The following DHX32 variants were observed in gnomAD, a reference collection of about 807,000 sequenced individuals.
The protein encoded by DHX32 is DEAH-box helicase 32 (putative).
A neutral mutation model predicts 70.0 loss-of-function variants in DHX32; 51 were observed. That is an observed-to-expected ratio of 0.73 (90% CI 0.58 to 0.92). The LOEUF is 0.92. DHX32 is among the 40% of genes least tolerant of loss of function. The pLI is 0.00. For synonymous variants in DHX32, 310 were observed against 315.3 expected, an observed-to-expected ratio of 0.98 and a Z score of 0.18; for missense variants, 762 against 891.8, an observed-to-expected ratio of 0.85 and a Z score of 1.85.
Position 125,870,082 on chromosome 10 carries a change from A to G in DHX32, c.283-2899T>C, listed in dbSNP as rs1255952773. Among the ~76,000 whole-genome samples, 5 of 152,226 alleles carry G rather than the reference A, an allele frequency of 3.3e-5. No homozygotes were observed. In the East Asian group the frequency reaches 9.6e-4, roughly 29 times the overall value. On this transcript the variant is annotated intron_variant, in intron 1 of 10. Coordinates refer to ENST00000284690, the MANE Select transcript of DHX32 (RefSeq NM_018180.3). ...AGAACAGGAAATTGGAAAGTAAAAT[A>G]AAATAAATGAATGAAGCTAAAGAGC...
In DHX32 at chr10:125,837,453, C is replaced by T. The variant is rs527583567; in HGVS notation, c.2064-598G>A. On this transcript the variant is annotated intron_variant, in intron 10 of 10. Transcript: ENST00000284690. The stretch of plus-strand genomic sequence containing the variant: ...TTTTTCCTTTTTTCTTTTTAGACAG[C>T]GTCTTGGTCTGTCTCCCAGGCTGGT... 7.1e-4 allele frequency among the ~76,000 whole-genome samples: 108 copies of T among 152,268 alleles called. 1 individual carries two copies. The highest frequency in any genetic ancestry group is 2.5e-3 in the African/African-American group (104 of 41,546).
At position 125,867,100 on chromosome 10, in the gene DHX32, A is replaced by C; in HGVS notation, c.366T>G (p.Thr122=). 1 of 1,614,220 alleles carries C rather than the reference A, an allele frequency of 6.2e-7. No individual in the cohort carries two copies. The highest frequency in any genetic ancestry group is 8.5e-7 in the Non-Finnish European group (1 of 1,180,038). Residue 122 remains threonine, a synonymous_variant, in exon 2 of 11, where the codon ACT becomes ACG. Coordinates refer to ENST00000284690, the MANE Select transcript of DHX32 (RefSeq NM_018180.3). ...CCACCCGCAGGGCGAGCTGGACCAC[A>C]GTCTGCTTGTGGACCTGTGTGCATA... is the stretch of plus-strand genomic sequence containing the variant. ...GVICTQVHKQ[T]VVQLALRVAD...
chr10:125,873,353 T>C (rs1017451704), intron 1 of DHX32, among the ~76,000 whole-genome samples: 1 of 152,164 alleles, frequency 6.6e-6, no homozygotes, highest in African/African-American at 2.4e-5. Flanking sequence ...ACAATGCTAT[T>C]ACTGTTCTGT....
At chr10:125,845,839 G>A (rs911072802) in intron 6 of DHX32, among the ~76,000 whole-genome samples, 2 of 152,208 alleles carry the variant, frequency 1.3e-5, no homozygotes, top group African/African-American at 4.8e-5. Flanking sequence ...GGCAGGCGGA[G>A]GCCAGCTCCT....
At chr10:125,860,030 A>G in intron 2 of DHX32, 55 bp from the exon 3 acceptor site, 1 of 1,416,502 alleles carries the variant, frequency 7.1e-7, no homozygotes, top group Non-Finnish European at 9.3e-7. Context: ...CATGCAAAAA[A>G]CTTCCTAACA....
chr10:125,895,223 A>G (rs572498561), intron 1 of DHX32, among the ~76,000 whole-genome samples: 33 of 151,028 alleles, frequency 2.2e-4, no homozygotes, highest in East Asian at 2.0e-3. Flanking sequence ...ATTCCCTAAG[A>G]GGAAAGTAAT....
At chr10:125,840,360 C>T (rs796629035) in intron 8 of DHX32, among the ~76,000 whole-genome samples, 26 of 152,362 alleles carry the variant, frequency 1.7e-4, no homozygotes, top group African/African-American at 6.3e-4. Context: ...CTATCAAGCT[C>T]CGTCAGCAAC....
At chr10:125,873,275 A>C (rs1737462898) in intron 1 of DHX32, among the ~76,000 whole-genome samples, 1 of 152,254 alleles carries the variant, frequency 6.6e-6, no homozygotes, top group African/African-American at 2.4e-5. Flanking sequence ...TAATAAAGTT[A>C]GTTAACTATA....
intron 1 of DHX32, among the ~76,000 whole-genome samples, chr10:125,868,502 T>C (rs1201239117): frequency 6.6e-6 from 1 of 152,254 alleles, no homozygotes; most frequent in African/African-American, 2.4e-5. Context: ...GAATGACTGC[T>C]GTAGACTGTA....
intron 3 of DHX32, 44 bp from the exon 4 acceptor site, chr10:125,854,247 A>C (rs1388136245): frequency 6.6e-7 from 1 of 1,523,048 alleles, no homozygotes; most frequent in Non-Finnish European, 8.7e-7. Flanking sequence ...AATGCAAACA[A>C]CATCACTATT....
intron 1 of DHX32, among the ~76,000 whole-genome samples, chr10:125,895,452 A>C (rs1475895905): frequency 1.3e-5 from 2 of 152,178 alleles, no homozygotes; most frequent in Non-Finnish European, 2.9e-5. Context: ...TTTCTTGCTT[A>C]TCCTTTTTCT....
At chr10:125,869,114 A>G (rs1301206432) in intron 1 of DHX32, among the ~76,000 whole-genome samples, 1 of 152,242 alleles carries the variant, frequency 6.6e-6, no homozygotes, top group East Asian at 1.9e-4. Flanking sequence ...TTAAGAATTT[A>G]CATAAAATTT....
At position 125,853,352 on chromosome 10, in the gene DHX32, ATGT is replaced by A; in HGVS notation, c.1092+606_1092+608del. The A allele has an allele frequency of 5.2e-6, 3 of 575,544 alleles. No individual in the cohort carries two copies. In the African/African-American group the frequency reaches 5.7e-5, roughly 11 times the overall value. The allele number at this position is 575,544 out of a possible 1,614,324, so 35.7% of individuals were successfully genotyped here. A position where few individuals can be genotyped will look rare whatever the true frequency, so the allele number is the denominator to read the frequency against. ...TTGTTAGTTTCGTTTGAGATCTCAA[ATGT>A]TAGGATTTTCTGAAGTCTCAGTGTC... On this transcript the variant is annotated intron_variant, in intron 4 of 10. Coordinates refer to ENST00000284690, the MANE Select transcript of DHX32 (RefSeq NM_018180.3).
chr10:125,839,281 C>T, intron 8 of DHX32, 93 bp from the exon 9 acceptor site: 1 of 1,310,378 alleles, frequency 7.6e-7, no homozygotes, highest in Non-Finnish European at 1.1e-6. Flanking sequence ...AAGCCCTGTG[C>T]TCTCCTCTCC....
chr10:125,859,487 T>G lies in DHX32; in HGVS notation c.849+116A>C, dbSNP rs1944171255. ...AGCACAGGTTTTATTTAATGAGGTGTGATGAAACCAAATATTTAAACAGTT... is the reference window on the plus strand; with the variant it reads ...AGCACAGGTTTTATTTAATGAGGTGGGATGAAACCAAATATTTAAACAGTT... On this transcript the variant is annotated intron_variant, in intron 3 of 10. Transcript: ENST00000284690. 5.2e-6 allele frequency: 6 copies of G among 1,151,802 alleles called. No individual in the cohort carries two copies. In the Admixed American group the frequency reaches 1.4e-4, roughly 27 times the overall value. The allele number at this position is 1,151,802 out of a possible 1,614,324, so 71.3% of individuals were successfully genotyped here. A position where few individuals can be genotyped will look rare whatever the true frequency, so the allele number is the denominator to read the frequency against.
At chr10:125,878,423 A>G (rs1223697366) in intron 1 of DHX32, among the ~76,000 whole-genome samples, 1 of 152,218 alleles carries the variant, frequency 6.6e-6, no homozygotes, top group Non-Finnish European at 1.5e-5. Flanking sequence ...TCATCTTAAC[A>G]GGGTTGTTCC....
At chr10:125,893,462 C>G (rs1294249160) in intron 1 of DHX32, among the ~76,000 whole-genome samples, 1 of 152,192 alleles carries the variant, frequency 6.6e-6, no homozygotes, top group Non-Finnish European at 1.5e-5. Flanking sequence ...CCAGCATGGT[C>G]TCGATCTCCT....
At chr10:125,869,132 T>C (rs765052368) in intron 1 of DHX32, among the ~76,000 whole-genome samples, 28 of 152,328 alleles carry the variant, frequency 1.8e-4, no homozygotes, top group Admixed American at 4.6e-4. Flanking sequence ...TTTTGCCTCC[T>C]TTATTCCTTA....
chr10:125,863,926 A>G (rs1014701023), intron 2 of DHX32, among the ~76,000 whole-genome samples: 2 of 152,254 alleles, frequency 1.3e-5, no homozygotes, highest in Admixed American at 6.5e-5. Context: ...CATAAATTTA[A>G]TAGTCCTCAC....
Sources: allele counts gnomAD v4.1 joint callset (sites outside exome capture counted in the v4.1 genomes callset), GRCh38; gene constraint gnomAD v4.1.1; transcripts MANE v1.5; gene names NCBI Gene and HGNC (gene_info 2026-07-23, HGNC 2026-07-21).